Variants in ZNF423 observed in about 807,000 individuals in gnomAD.
The protein encoded by ZNF423 is zinc finger protein 423, also known as Ebf-associated zinc finger protein.
A neutral mutation model predicts 95.8 loss-of-function variants in ZNF423; 12 were observed. The observed-to-expected ratio is 0.13, with a 90% CI of 0.08 to 0.20. The LOEUF is 0.20. ZNF423 is among the 10% of genes least tolerant of loss of function. The probability of loss-of-function intolerance (pLI) is 1.00; values close to 1 mark genes in which losing one functional copy is unlikely to be tolerated. For synonymous variants in ZNF423, 749 were observed against 711.9 expected, an observed-to-expected ratio of 1.05 and a Z score of -0.83; for missense variants, 1,316 against 1,737.1, an observed-to-expected ratio of 0.76 and a Z score of 4.31.
chr16:49,787,499 A>G (rs565935031), intron 2 of ZNF423, among the ~76,000 whole-genome samples: 2 of 152,114 alleles, frequency 1.3e-5, no homozygotes, highest in Non-Finnish European at 2.9e-5. Context: ...TGCACGAGGC[A>G]TGCTCAGCTC....
chr16:49,770,228 C>A lies in ZNF423; in HGVS notation c.100+19259G>T, dbSNP rs541309121. 2.4e-4 allele frequency among the ~76,000 whole-genome samples: 33 copies of A among 135,500 alleles called. 1 individual carries two copies. In the Middle Eastern group the frequency reaches 0.012, roughly 50 times the overall value. The allele number at this position is 135,500 out of a possible 152,430, so 88.9% of individuals were successfully genotyped here. On this transcript the variant is annotated intron_variant, in intron 2 of 7. Coordinates refer to ENST00000563137, the MANE Select transcript of ZNF423 (RefSeq NM_001379286.1). ...CGAATGAATGAATGAATGAATGGGC[C>A]CTCATGGATCCTGCCAGTGGTGCAG...
At chr16:49,543,659 G>A (rs970928681) in intron 5 of ZNF423, among the ~76,000 whole-genome samples, 7 of 152,214 alleles carry the variant, frequency 4.6e-5, no homozygotes, top group East Asian at 3.9e-4. Flanking sequence ...CGGGGGCAGC[G>A]TGGAACCCAT....
chr16:49,530,686 C>T (rs1714180285), intron 5 of ZNF423, among the ~76,000 whole-genome samples: 1 of 152,158 alleles, frequency 6.6e-6, no homozygotes, highest in Non-Finnish European at 1.5e-5. Flanking sequence ...CTTGTAAAAA[C>T]CTCAACTCCA....
At chr16:49,782,570 G>A (rs941270969) in intron 2 of ZNF423, among the ~76,000 whole-genome samples, 4 of 152,194 alleles carry the variant, frequency 2.6e-5, no homozygotes, top group Admixed American at 2.0e-4. Flanking sequence ...CAAACCACAA[G>A]TGTGTCTGTC....
intron 5 of ZNF423, among the ~76,000 whole-genome samples, chr16:49,574,128 A>G (rs147070082): frequency 0.012 from 1,896 of 152,304 alleles, 47 homozygotes; most frequent in African/African-American, 0.043. Flanking sequence ...TCACACCTGT[A>G]ATCCCAGCTC....
At chr16:49,681,715 A>C (rs1490010384) in intron 3 of ZNF423, among the ~76,000 whole-genome samples, 2 of 152,166 alleles carry the variant, frequency 1.3e-5, no homozygotes, top group African/African-American at 4.8e-5. Flanking sequence ...GGGTTCCTGG[A>C]GGCTGCAGGG....
chr16:49,839,916 T>C (rs1356174393), intron 1 of ZNF423, among the ~76,000 whole-genome samples: 1 of 152,204 alleles, frequency 6.6e-6, no homozygotes, highest in East Asian at 1.9e-4. Flanking sequence ...GATGGCCTTC[T>C]CTGCACAGCC....
chr16:49,755,662 G>C (rs1209968985), intron 2 of ZNF423, among the ~76,000 whole-genome samples: 1 of 152,114 alleles, frequency 6.6e-6, no homozygotes, highest in Non-Finnish European at 1.5e-5. Flanking sequence ...ATTAACCCTC[G>C]TTTACAGGGT....
intron 1 of ZNF423, among the ~76,000 whole-genome samples, chr16:49,825,090 T>C (rs2034990960): frequency 6.6e-6 from 1 of 152,250 alleles, no homozygotes; most frequent in Non-Finnish European, 1.5e-5. Context: ...GAACCACTTA[T>C]GCATTACTCC....
intron 5 of ZNF423, among the ~76,000 whole-genome samples, chr16:49,572,262 G>A (rs1597120067): frequency 6.6e-6 from 1 of 152,134 alleles, no homozygotes; most frequent in Admixed American, 6.5e-5. Flanking sequence ...CAGAGGGAAC[G>A]TCCCATCCCA....
At chr16:49,673,625 G>A (rs2030917192) in intron 3 of ZNF423, among the ~76,000 whole-genome samples, 1 of 152,240 alleles carries the variant, frequency 6.6e-6, no homozygotes, top group African/African-American at 2.4e-5. Context: ...ACAAACACAT[G>A]GGCACACGTG....
intron 2 of ZNF423, among the ~76,000 whole-genome samples, chr16:49,751,220 T>C (rs905249679): frequency 3.9e-5 from 6 of 152,194 alleles, no homozygotes; most frequent in African/African-American, 1.4e-4. Context: ...TCAAATCTTT[T>C]ATTTTTGTTG....
At chr16:49,805,353 A>G (rs1414284880) in intron 1 of ZNF423, among the ~76,000 whole-genome samples, 4 of 152,246 alleles carry the variant, frequency 2.6e-5, no homozygotes, top group Non-Finnish European at 5.9e-5. Flanking sequence ...TACCACGTTC[A>G]TGCTGATACT....
At chr16:49,734,793 T>A (rs1380693109) in intron 2 of ZNF423, among the ~76,000 whole-genome samples, 1 of 152,228 alleles carries the variant, frequency 6.6e-6, no homozygotes, top group Non-Finnish European at 1.5e-5. Flanking sequence ...TTTTCTGATG[T>A]GCACACCTGC....
chr16:49,663,153 C>T (rs1042609217), intron 3 of ZNF423, among the ~76,000 whole-genome samples: 1 of 152,238 alleles, frequency 6.6e-6, no homozygotes, highest in Non-Finnish European at 1.5e-5. Context: ...CATTCTCACA[C>T]CCCGCGCCAG....
At chr16:49,569,761 A>G (rs1970301238) in intron 5 of ZNF423, among the ~76,000 whole-genome samples, 1 of 152,216 alleles carries the variant, frequency 6.6e-6, no homozygotes, top group African/African-American at 2.4e-5. Flanking sequence ...TAAACGGGCC[A>G]TTCTTTAAAT....
chr16:49,661,391 G>T (rs79726125), intron 3 of ZNF423, among the ~76,000 whole-genome samples: 3 of 152,172 alleles, frequency 2.0e-5, no homozygotes, highest in Admixed American at 6.5e-5. Flanking sequence ...TTCCCCACCA[G>T]GGGGGACCCC....
At chr16:49,580,916 G>C (rs1970651649) in intron 5 of ZNF423, among the ~76,000 whole-genome samples, 1 of 152,124 alleles carries the variant, frequency 6.6e-6, no homozygotes, top group Admixed American at 6.5e-5. Flanking sequence ...GACCCACCAG[G>C]AGGACAGCCC....
chr16:49,771,192 C>CTTTTTTTTTTTTTTTTTTTTTTTT (rs71380376), intron 2 of ZNF423, among the ~76,000 whole-genome samples: 1 of 89,436 alleles, frequency 1.1e-5, no homozygotes, highest in Non-Finnish European at 2.0e-5. Flanking sequence ...TTTTTTTTTT[C>CTTTTTTTTTTTTTTTTTTTTTTTT]TTTTTTTTTT....
Sources: allele counts gnomAD v4.1 joint callset (sites outside exome capture counted in the v4.1 genomes callset), GRCh38; gene constraint gnomAD v4.1.1; transcripts MANE v1.5; gene names NCBI Gene and HGNC (gene_info 2026-07-23, HGNC 2026-07-21).